Variants in NRF1 observed in about 807,000 individuals in gnomAD.
NRF1 encodes alpha palindromic-binding protein.
Under a neutral mutation model 58.5 loss-of-function variants are expected in NRF1, and 5 were observed. That is an observed-to-expected ratio of 0.09 (90% confidence interval 0.04 to 0.18). The LOEUF (loss-of-function observed/expected upper bound fraction) is 0.18, where lower values mean the gene tolerates loss of function less well. Ranked by LOEUF, NRF1 falls within the 10% of genes least tolerant of loss-of-function variation. The pLI, the probability that NRF1 is intolerant of heterozygous loss-of-function variation, is 1.00. For missense variants in NRF1, 288 were observed against 657.7 expected (o/e 0.44, Z 6.15); for synonymous variants, 224 against 246.7 (o/e 0.91, Z 0.86).
chr7:129,739,507 C>T (rs903295381), intron 10 of NRF1, among the ~76,000 whole-genome samples: 2 of 151,236 alleles, frequency 1.3e-5, no homozygotes, highest in African/African-American at 4.9e-5. Context: ...CTTCCAGTGA[C>T]CTTCTCAGCT....
intron 2 of NRF1, among the ~76,000 whole-genome samples, chr7:129,658,884 A>G (rs981310634): frequency 3.9e-5 from 6 of 152,186 alleles, no homozygotes; most frequent in Non-Finnish European, 8.8e-5. Context: ...CTATTTGTAT[A>G]GCATTTACAC....
chr7:129,700,230 AATGTT>A (rs1179659169), intron 5 of NRF1, among the ~76,000 whole-genome samples: 2 of 152,308 alleles, frequency 1.3e-5, no homozygotes, highest in Admixed American at 6.5e-5. Flanking sequence ...TTAAAATGAT[AATGTT>A]ATGTTATGTG....
chr7:129,736,817 T>C (rs1287733860), intron 10 of NRF1, among the ~76,000 whole-genome samples: 9 of 150,842 alleles, frequency 6.0e-5, no homozygotes, highest in African/African-American at 2.2e-4. Context: ...AGATACCTGG[T>C]ATAGCACTGA....
intron 5 of NRF1, among the ~76,000 whole-genome samples, chr7:129,699,311 T>C (rs1277769078): frequency 2.6e-5 from 4 of 152,202 alleles, no homozygotes; most frequent in African/African-American, 7.2e-5. Flanking sequence ...TGAAAAAACA[T>C]TGGTCTCACC....
intron 1 of NRF1, among the ~76,000 whole-genome samples, chr7:129,648,706 T>C (rs899978618): frequency 1.6e-4 from 24 of 152,182 alleles, no homozygotes; most frequent in African/African-American, 5.6e-4. Context: ...TCCCTCACCA[T>C]GTAAGGATAG....
intron 1 of NRF1, among the ~76,000 whole-genome samples, chr7:129,645,895 G>A (rs1397785089): frequency 6.6e-6 from 1 of 152,150 alleles, no homozygotes. Flanking sequence ...TGTTGCCCAG[G>A]CTGGAGTGCA....
intron 10 of NRF1, among the ~76,000 whole-genome samples, chr7:129,739,559 C>A (rs924985805): frequency 6.7e-6 from 1 of 149,626 alleles, no homozygotes; most frequent in African/African-American, 2.4e-5. Context: ...AAAAAAAAAT[C>A]TACCCATGTG....
intron 10 of NRF1, among the ~76,000 whole-genome samples, chr7:129,750,319 AATC>A (rs911207159): frequency 6.6e-6 from 1 of 152,204 alleles, no homozygotes; most frequent in Non-Finnish European, 1.5e-5. Context: ...CTCAGCATTT[AATC>A]ATCTCTCTTC....
At chr7:129,721,266 G>A (rs1412214955) in intron 9 of NRF1, among the ~76,000 whole-genome samples, 2 of 152,000 alleles carry the variant, frequency 1.3e-5, no homozygotes, top group African/African-American at 4.8e-5. Flanking sequence ...CTTACTCTAC[G>A]TTTCTAAAGT....
At chr7:129,742,560 G>A (rs1803874044) in intron 10 of NRF1, among the ~76,000 whole-genome samples, 1 of 152,224 alleles carries the variant, frequency 6.6e-6, no homozygotes, top group Admixed American at 6.5e-5. Flanking sequence ...GGAGGGGCTG[G>A]AGGGTGTTAA....
At chr7:129,742,264 G>A (rs1237364989) in intron 10 of NRF1, among the ~76,000 whole-genome samples, 3 of 131,394 alleles carry the variant, frequency 2.3e-5, no homozygotes, top group African/African-American at 8.1e-5. Context: ...GATTTTCTAA[G>A]TGAAATTGAT....
At chr7:129,643,782 C>A (rs1158731099) in intron 1 of NRF1, among the ~76,000 whole-genome samples, 1 of 152,218 alleles carries the variant, frequency 6.6e-6, no homozygotes, top group Non-Finnish European at 1.5e-5. Flanking sequence ...AGATGTTATA[C>A]AGTGTGGATA....
intron 10 of NRF1, among the ~76,000 whole-genome samples, chr7:129,733,998 G>T (rs184439261): frequency 2.6e-5 from 4 of 152,110 alleles, no homozygotes; most frequent in East Asian, 3.9e-4. Flanking sequence ...ACTCCAGCCA[G>T]GATGACAGAG....
chr7:129,724,119 T>C (rs1261709194), intron 9 of NRF1, among the ~76,000 whole-genome samples: 2 of 152,202 alleles, frequency 1.3e-5, no homozygotes, highest in Non-Finnish European at 2.9e-5. Flanking sequence ...AGCCACAGAA[T>C]GGGAGAAAAT....
chr7:129,682,295 C>T (rs563266065), intron 4 of NRF1, among the ~76,000 whole-genome samples: 1 of 151,838 alleles, frequency 6.6e-6, no homozygotes, highest in African/African-American at 2.4e-5. Context: ...TTCATCTCTA[C>T]AAAAAATTTA....
At chr7:129,652,628 G>A (rs867330185) in intron 1 of NRF1, among the ~76,000 whole-genome samples, 4 of 151,866 alleles carry the variant, frequency 2.6e-5, no homozygotes, top group Admixed American at 6.6e-5. Flanking sequence ...ACGGAGTCTC[G>A]CTCTGTCGCC....
intron 7 of NRF1, among the ~76,000 whole-genome samples, chr7:129,710,882 AT>A (rs1803057420): frequency 6.6e-6 from 1 of 150,760 alleles, no homozygotes; most frequent in Non-Finnish European, 1.5e-5. Context: ...GGCTCAAGTG[AT>A]TCTCCCTCCT....
At chr7:129,613,371 C>T (rs1800585068) in intron 1 of NRF1, among the ~76,000 whole-genome samples, 1 of 152,004 alleles carries the variant, frequency 6.6e-6, no homozygotes, top group African/African-American at 2.4e-5. Flanking sequence ...CAGGTTACCC[C>T]GTAAGACAGT....
intron 2 of NRF1, among the ~76,000 whole-genome samples, chr7:129,659,149 G>A (rs889928928): frequency 1.5e-5 from 2 of 135,830 alleles, no homozygotes; most frequent in Admixed American, 8.2e-5. Context: ...CACAATCTTG[G>A]CTCACTGCAG....
Sources: allele counts gnomAD v4.1 joint callset (sites outside exome capture counted in the v4.1 genomes callset), GRCh38; gene constraint gnomAD v4.1.1; transcripts MANE v1.5; gene names NCBI Gene and HGNC (gene_info 2026-07-23, HGNC 2026-07-21).